The following CNTN4 variants were observed in gnomAD, a reference collection of about 807,000 sequenced individuals.
CNTN4 encodes contactin-4.
CNTN4 carries 77 observed loss-of-function variants against 122.5 expected under a neutral mutation model. The ratio of observed to expected loss-of-function variants is 0.63; its 90% CI spans 0.52 to 0.76. CNTN4 has a LOEUF of 0.76. CNTN4 is among the 30% of genes least tolerant of loss of function. CNTN4 has a pLI of 0.00. For synonymous variants in CNTN4, 512 were observed against 447.0 expected (o/e 1.15, Z -1.83); for missense variants, 1,256 against 1,259.1 (o/e 1.00, Z 0.04).
intron 14 of CNTN4, among the ~76,000 whole-genome samples, chr3:3,006,644 T>C: frequency 6.6e-6 from 1 of 152,248 alleles, no homozygotes; most frequent in East Asian, 1.9e-4. Context: ...ACTGAGCAAA[T>C]TAGTAAGCAG....
At chr3:2,277,066 A>G (rs1486834445) in intron 2 of CNTN4, among the ~76,000 whole-genome samples, 2 of 152,340 alleles carry the variant, frequency 1.3e-5, no homozygotes, top group Non-Finnish European at 1.5e-5. Context: ...AAAAACTGGT[A>G]TATTTGGTAA....
intron 3 of CNTN4, among the ~76,000 whole-genome samples, chr3:2,564,217 A>C (rs574495340): frequency 1.3e-5 from 2 of 152,304 alleles, no homozygotes; most frequent in East Asian, 3.9e-4. Flanking sequence ...ATGGGGACTA[A>C]CAGCTAGTAT....
At chr3:2,112,920 C>T (rs1422253637) in intron 2 of CNTN4, among the ~76,000 whole-genome samples, 7 of 152,082 alleles carry the variant, frequency 4.6e-5, no homozygotes, top group Admixed American at 3.9e-4. Flanking sequence ...CATTCATGCC[C>T]TAGTATTCTC....
intron 4 of CNTN4, among the ~76,000 whole-genome samples, chr3:2,605,958 G>A (rs2081239740): frequency 6.6e-6 from 1 of 152,172 alleles, no homozygotes; most frequent in Non-Finnish European, 1.5e-5. Context: ...AAGTGGCTAC[G>A]TTGGACAGGC....
intron 3 of CNTN4, among the ~76,000 whole-genome samples, chr3:2,555,565 T>C (rs1484669267): frequency 1.3e-5 from 2 of 152,156 alleles, no homozygotes; most frequent in Non-Finnish European, 2.9e-5. Context: ...TAAACTGTTA[T>C]TATGAAATCA....
chr3:2,771,359 G>C (rs2091092029), intron 6 of CNTN4, among the ~76,000 whole-genome samples: 1 of 152,148 alleles, frequency 6.6e-6, no homozygotes, highest in Non-Finnish European at 1.5e-5. Context: ...AAAAATAAAA[G>C]AGATTTGGGT....
At chr3:2,476,095 T>G (rs1378454254) in intron 3 of CNTN4, among the ~76,000 whole-genome samples, 2 of 152,196 alleles carry the variant, frequency 1.3e-5, no homozygotes. Context: ...ATATCCCTTT[T>G]TGTTCATGAC....
intron 4 of CNTN4, among the ~76,000 whole-genome samples, chr3:2,667,538 G>A (rs1052043003): frequency 5.9e-5 from 9 of 152,136 alleles, no homozygotes; most frequent in South Asian, 2.1e-4. Context: ...CCATTCTGTA[G>A]GTTCCCTATT....
intron 2 of CNTN4, among the ~76,000 whole-genome samples, chr3:2,207,218 C>T (rs2038400342): frequency 6.6e-6 from 1 of 151,964 alleles, no homozygotes; most frequent in Non-Finnish European, 1.5e-5. Flanking sequence ...TTCTCTGAGA[C>T]ACAATAATAT....
chr3:3,028,173 G>A (rs1559805830), intron 15 of CNTN4, among the ~76,000 whole-genome samples: 1 of 152,150 alleles, frequency 6.6e-6, no homozygotes, highest in Non-Finnish European at 1.5e-5. Flanking sequence ...TTAACCTATT[G>A]AGGTTTTATA....
At chr3:2,661,191 T>C (rs2083873604) in intron 4 of CNTN4, among the ~76,000 whole-genome samples, 1 of 152,198 alleles carries the variant, frequency 6.6e-6, no homozygotes, top group South Asian at 2.1e-4. Context: ...ACACTAAGCA[T>C]GATTTAGCTT....
chr3:2,762,646 T>C (rs1186652848), intron 6 of CNTN4, among the ~76,000 whole-genome samples: 1 of 152,214 alleles, frequency 6.6e-6, no homozygotes, highest in Non-Finnish European at 1.5e-5. Context: ...TACACATGTG[T>C]GTGTCTTTAT....
At chr3:2,575,208 T>C (rs554405131) in intron 4 of CNTN4, among the ~76,000 whole-genome samples, 1 of 151,902 alleles carries the variant, frequency 6.6e-6, no homozygotes, top group Non-Finnish European at 1.5e-5. Context: ...TGTATAAAAA[T>C]AAAAAGTAAT....
chr3:2,917,968 G>T (rs2094387850), intron 12 of CNTN4, among the ~76,000 whole-genome samples: 1 of 151,892 alleles, frequency 6.6e-6, no homozygotes, highest in African/African-American at 2.4e-5. Context: ...TCTTTTTCCA[G>T]CATGAGAAGA....
At chr3:2,950,988 C>T (rs1559709476) in intron 13 of CNTN4, among the ~76,000 whole-genome samples, 2 of 152,180 alleles carry the variant, frequency 1.3e-5, no homozygotes, top group African/African-American at 2.4e-5. Context: ...AATTCACTAG[C>T]TGTATCACTT....
At chr3:2,626,224 T>C (rs1481949153) in intron 4 of CNTN4, among the ~76,000 whole-genome samples, 1 of 152,182 alleles carries the variant, frequency 6.6e-6, no homozygotes, top group Non-Finnish European at 1.5e-5. Context: ...GATTGTACTT[T>C]GTGTCTTCTA....
intron 6 of CNTN4, among the ~76,000 whole-genome samples, chr3:2,793,697 C>G (rs1360865643): frequency 6.6e-6 from 1 of 152,162 alleles, no homozygotes; most frequent in Non-Finnish European, 1.5e-5. Flanking sequence ...CTCACTGCTG[C>G]TACCAGTATC....
intron 12 of CNTN4, among the ~76,000 whole-genome samples, chr3:2,917,732 T>G (rs1332752314): frequency 6.6e-6 from 1 of 152,236 alleles, no homozygotes; most frequent in Non-Finnish European, 1.5e-5. Flanking sequence ...TTACCCATTC[T>G]TAAGCCATCA....
intron 8 of CNTN4, chr3:2,882,934 G>A (rs1295498427): frequency 4.0e-6 from 2 of 500,366 alleles, no homozygotes; most frequent in Non-Finnish European, 7.3e-6. Context: ...CCAGGCAAAT[G>A]GTGTGGTTCT....
Sources: allele counts gnomAD v4.1 joint callset (sites outside exome capture counted in the v4.1 genomes callset), GRCh38; gene constraint gnomAD v4.1.1; transcripts MANE v1.5; gene names NCBI Gene and HGNC (gene_info 2026-07-23, HGNC 2026-07-21).